MEDAG: variants seen among roughly 807,000 people sequenced by gnomAD.
MEDAG encodes mesenteric estrogen-dependent adipogenesis protein.
In MEDAG, 25 loss-of-function variants were observed where a neutral mutation model predicts 29.9. The ratio of observed to expected loss-of-function variants is 0.84; its 90% CI spans 0.61 to 1.17. The LOEUF (loss-of-function observed/expected upper bound fraction) is 1.17. Ranked by LOEUF, MEDAG falls within the 50% of genes most tolerant of loss-of-function variation. The pLI is 0.00. For missense variants in MEDAG, 398 were observed against 372.9 expected, an observed-to-expected ratio of 1.07 and a Z score of -0.56; for synonymous variants, 158 against 148.2, an observed-to-expected ratio of 1.07 and a Z score of -0.48.
chr13:30,920,463 C>A (rs1952971711), intron 2 of MEDAG, among the ~76,000 whole-genome samples: 1 of 152,056 alleles, frequency 6.6e-6, no homozygotes, highest in African/African-American at 2.4e-5. Flanking sequence ...GTGGCGAATG[C>A]CTGTGGTCCC....
At chr13:30,908,057 G>C (rs1343946) in intron 1 of MEDAG, among the ~76,000 whole-genome samples, 44,761 of 152,034 alleles carry the variant, frequency 0.29, 6,696 homozygotes, top group Admixed American at 0.33. Context: ...TTGAGAGCAG[G>C]GTATGAAAAA....
chr13:30,917,277 A>G (rs9547876), intron 1 of MEDAG, 126 bp from the exon 2 acceptor site: 312 of 696,708 alleles, frequency 4.5e-4, no homozygotes, highest in Non-Finnish European at 6.8e-4. Context: ...TGACCTCTGT[A>G]AGGATGCATT....
Position 30,906,527 on chromosome 13 carries a change from G to A in MEDAG, c.12G>A (p.Ala4=). Reference sequence around the variant, plus strand: ...CCGACGACGCGGGCATGGCGGGGGCGGCCTGCGAGCCGGTGGCCAGGCCGA... The same window carrying A: ...CCGACGACGCGGGCATGGCGGGGGCAGCCTGCGAGCCGGTGGCCAGGCCGA... MAG[A]ACEPVARPSL... Residue 4 remains alanine (A), a synonymous_variant, in exon 1 of 5, where the codon GCG becomes GCA. Transcript: ENST00000380482. 6.6e-6 allele frequency: 10 copies of A among 1,512,012 alleles called. No homozygotes were observed. Among genetic ancestry groups the A allele is most frequent in the Non-Finnish European group, 8.8e-6 (10 of 1,137,972 alleles). 93.7% of individuals were successfully genotyped at this position (1,512,012 alleles called of 1,614,324 possible). A position where few individuals can be genotyped will look rare whatever the true frequency, so the allele number is the denominator to read the frequency against.
chr13:30,913,397 T>G (rs547887721), intron 1 of MEDAG, among the ~76,000 whole-genome samples: 2 of 152,232 alleles, frequency 1.3e-5, no homozygotes, highest in East Asian at 1.9e-4. Flanking sequence ...AAAAATTTGT[T>G]GTAGAGGCAA....
intron 1 of MEDAG, among the ~76,000 whole-genome samples, chr13:30,908,602 C>G (rs1952851543): frequency 6.6e-6 from 1 of 152,094 alleles, no homozygotes. Flanking sequence ...GAAGCCAGAA[C>G]TCAGATATCT....
Position 30,906,751 on chromosome 13 carries a change from G to T in MEDAG, c.236G>T (p.Arg79Leu), listed in dbSNP as rs746999388. 6.6e-7 allele frequency: 1 copy of T among 1,509,738 alleles called. No homozygotes were observed. The highest frequency in any genetic ancestry group is 2.6e-5 in the East Asian group (1 of 38,994). The allele number at this position is 1,509,738 out of a possible 1,614,324, so 93.5% of individuals were successfully genotyped here. A position where few individuals can be genotyped will look rare whatever the true frequency, so the allele number is the denominator to read the frequency against. The change falls in exon 1 of 5, where the codon CGC becomes CTC. Residue 79 changes from arginine (R) to leucine (L), a missense_variant. Transcript: ENST00000380482. ...GFNVFGDGLV[R>L]LDGQLYRLSS... is the part of the protein sequence containing the mutation. ...AACGTCTTCGGTGACGGCCTCGTGC[G>T]CCTCGACGGGCAGCTCTACCGCCTC...
chr13:30,924,290 G>A lies in MEDAG; in HGVS notation c.788-21G>A, dbSNP rs577265236. 1.9e-6 allele frequency: 3 copies of A among 1,600,186 alleles called. No homozygotes were observed. The East Asian group carries it at 6.8e-5, about 36-fold the overall frequency. On this transcript the variant is annotated intron_variant, in intron 4 of 4. Coordinates refer to ENST00000380482, the MANE Select transcript of MEDAG (RefSeq NM_032849.4). The stretch of plus-strand genomic sequence containing the variant: ...TCTTTCAGTGATGGTAATAATGCAT[G>A]CTTTGTTTACTGTTTTTTAGGTTCA...
rs1953030972 is a variant in MEDAG, at chr13:30,925,286, T to C, written c.*851T>C. On this transcript the variant is annotated 3_prime_UTR_variant, in exon 5 of 5. Transcript: ENST00000380482. ...AAAGCTATACCATTACCATAATACATTTTTCATCTCATGGCTACAATGGAA... is the reference window on the plus strand; with the variant it reads ...AAAGCTATACCATTACCATAATACACTTTTCATCTCATGGCTACAATGGAA... The C allele has an allele frequency of 6.6e-6, 1 of 152,138 alleles. No individual in the cohort carries two copies. The highest frequency in any genetic ancestry group is 1.5e-5 in the Non-Finnish European group (1 of 68,032). 9.4% of individuals were successfully genotyped at this position (152,138 alleles called of 1,614,324 possible). A position where few individuals can be genotyped will look rare whatever the true frequency, so the allele number is the denominator to read the frequency against.
chr13:30,913,353 G>A (rs141281420), intron 1 of MEDAG, among the ~76,000 whole-genome samples: 3 of 152,208 alleles, frequency 2.0e-5, no homozygotes, highest in African/African-American at 4.8e-5. Flanking sequence ...GTTGCTAGGA[G>A]TATAGGCATG....
intron 2 of MEDAG, among the ~76,000 whole-genome samples, chr13:30,920,315 G>A (rs1206587045): frequency 3.3e-5 from 5 of 152,218 alleles, no homozygotes; most frequent in African/African-American, 1.2e-4. Flanking sequence ...GCAAGTCATG[G>A]TGGCTTATGC....
At chr13:30,909,582 T>A (rs1239876528) in intron 1 of MEDAG, among the ~76,000 whole-genome samples, 1 of 152,148 alleles carries the variant, frequency 6.6e-6, no homozygotes, top group African/African-American at 2.4e-5. Flanking sequence ...GAAATGTAAA[T>A]ATATACCCAA....
intron 4 of MEDAG, 140 bp from the exon 5 acceptor site, chr13:30,924,171 A>C: frequency 1.2e-6 from 1 of 840,116 alleles, no homozygotes; most frequent in South Asian, 2.0e-5. Flanking sequence ...ATTTCTGTTT[A>C]GCCTTTTGAA....
intron 1 of MEDAG, among the ~76,000 whole-genome samples, chr13:30,907,181 C>T (rs1248136164): frequency 6.6e-6 from 1 of 152,194 alleles, no homozygotes; most frequent in East Asian, 1.9e-4. Flanking sequence ...CTCTGCAAGA[C>T]TCACATCCTG....
intron 2 of MEDAG, among the ~76,000 whole-genome samples, chr13:30,920,104 T>C (rs1459402440): frequency 6.6e-6 from 1 of 152,158 alleles, no homozygotes; most frequent in Non-Finnish European, 1.5e-5. Flanking sequence ...AATCAACCTC[T>C]GGTTGCCTTG....
At chr13:30,924,271 A>G in intron 4 of MEDAG, 40 bp from the exon 5 acceptor site, 1 of 1,550,018 alleles carries the variant, frequency 6.5e-7, no homozygotes, top group Non-Finnish European at 8.7e-7. Context: ...TTTTTCTTTC[A>G]GTGATGGTAA....
At chr13:30,923,549 G>A (rs1458426296) in intron 4 of MEDAG, among the ~76,000 whole-genome samples, 2 of 152,108 alleles carry the variant, frequency 1.3e-5, no homozygotes, top group Non-Finnish European at 2.9e-5. Context: ...TCACAAAGAT[G>A]TGTTTGTGCT....
intron 3 of MEDAG, 139 bp from the exon 4 acceptor site, chr13:30,921,419 AGAC>A: frequency 1.1e-6 from 1 of 882,524 alleles, no homozygotes; most frequent in East Asian, 2.7e-5. Flanking sequence ...GAAAAAATAA[AGAC>A]AACAGTTTAA....
At chr13:30,912,215 A>C (rs955300624) in intron 1 of MEDAG, among the ~76,000 whole-genome samples, 1 of 152,240 alleles carries the variant, frequency 6.6e-6, no homozygotes, top group Non-Finnish European at 1.5e-5. Context: ...CACACATTAG[A>C]GTGAGAAGTC....
At chr13:30,910,914 G>A (rs781494393) in intron 1 of MEDAG, among the ~76,000 whole-genome samples, 10 of 152,366 alleles carry the variant, frequency 6.6e-5, no homozygotes, top group Non-Finnish European at 1.5e-4. Context: ...TCCAACTTGA[G>A]GCTGGGAGGT....
Sources: gnomAD v4.1 joint callset for allele counts (sites outside exome capture counted in the v4.1 genomes callset) on GRCh38, gnomAD v4.1.1 for gene constraint, MANE v1.5 for transcripts, NCBI Gene and HGNC (gene_info 2026-07-23, HGNC 2026-07-21) for gene names.